CABP4: variants seen among roughly 807,000 people sequenced by gnomAD.
CABP4 encodes the protein calcium binding protein 4.
A neutral mutation model predicts 30.7 loss-of-function variants in CABP4; 30 were observed. That is an observed-to-expected ratio of 0.98 (90% CI 0.73 to 1.33). The LOEUF (loss-of-function observed/expected upper bound fraction) is 1.33, where lower values mean the gene tolerates loss of function less well. Among genes scored for constraint, CABP4 ranks in the 40% most tolerant of loss-of-function variants. CABP4 has a pLI of 0.00. For missense variants in CABP4, 424 were observed against 395.5 expected (o/e 1.07, Z -0.61); for synonymous variants, 161 against 159.2 (o/e 1.01, Z -0.08).
rs1414345811 is a variant in CABP4, at chr11:67,458,369, A to G, written c.652-2A>G. On this transcript the variant is annotated splice_acceptor_variant, in intron 4 of 5. Coordinates refer to ENST00000325656, the MANE Select transcript of CABP4 (RefSeq NM_145200.5). LOFTEE classifies it high-confidence loss of function. ...AGGGGCTGAGCTTTGCGGGGACCTTAGTTTGACAGGGACAGGGATGGACGA... is the reference window on the plus strand; with the variant it reads ...AGGGGCTGAGCTTTGCGGGGACCTTGGTTTGACAGGGACAGGGATGGACGA... 1 of 1,604,248 alleles carries G rather than the reference A, an allele frequency of 6.2e-7. No individual in the cohort carries two copies.
Position 67,457,640 on chromosome 11 carries a change from G to A in CABP4, c.609G>A (p.Ala203=), listed in dbSNP as rs745394874. 2.6e-5 allele frequency: 41 copies of A among 1,604,698 alleles called. No individual in the cohort carries two copies. Among genetic ancestry groups the A allele is most frequent in the East Asian group, 4.5e-5 (2 of 44,544 alleles). ...GCCCAAAGCTGAGGGAGGAGACGGC[G>A]CACATGCTGGGGGTGCGAGAGCTGC... ...LIGPKLREET[A]HMLGVRELRI... Residue 203 remains alanine, a synonymous_variant, in exon 4 of 6, where the codon GCG becomes GCA. Transcript: ENST00000325656.
intron 4 of CABP4, among the ~76,000 whole-genome samples, 164 bp from the exon 5 acceptor site, chr11:67,458,207 C>T (rs963049162): frequency 3.3e-5 from 5 of 151,832 alleles, no homozygotes; most frequent in African/African-American, 7.3e-5. Flanking sequence ...TGCAGTGAGC[C>T]GAAATTGCGT....
upstream of CABP4, chr11:67,452,808 G>T (rs180993428): frequency 2.7e-6 from 3 of 1,100,376 alleles, no homozygotes; most frequent in Admixed American, 8.2e-5. Context: ...TGGGAGAGAC[G>T]GTGCTGTGCA....
rs1285219083 is a variant in CABP4, at chr11:67,455,805, G to A, written c.366+16G>A. 1.9e-6 allele frequency: 3 copies of A among 1,557,720 alleles called. No homozygotes were observed. Among genetic ancestry groups the A allele is most frequent in the Non-Finnish European group, 2.6e-6 (3 of 1,151,220 alleles). Reference sequence around the variant, plus strand: ...CTTCGGGAAGGTTAGGTGGGACCTGGATTGGGCTGGGGGTCCTGGGGGTGG... The same window carrying A: ...CTTCGGGAAGGTTAGGTGGGACCTGAATTGGGCTGGGGGTCCTGGGGGTGG... On this transcript the variant is annotated intron_variant, in intron 1 of 5. Transcript: ENST00000325656.
In CABP4 at chr11:67,460,992, A is replaced by G. The variant is rs1303963183; in HGVS notation, c.*2333A>G. 1.3e-5 allele frequency among the ~76,000 whole-genome samples: 2 copies of G among 151,128 alleles called. No homozygotes were observed. Among genetic ancestry groups the G allele is most frequent in the African/African-American group, 4.9e-5 (2 of 41,030 alleles). ...AGAGCGAGACTCCGTCTCGGAAAAA[A>G]AAAAAAAAAAAGGTCACTGGAAGAC... is the stretch of plus-strand genomic sequence containing the variant. On this transcript the variant is annotated 3_prime_UTR_variant, in exon 6 of 6. Transcript: ENST00000325656.
At chr11:67,457,708 A>AG (rs969564762) in intron 4 of CABP4, 26 bp downstream of exon 4, 31 of 1,534,602 alleles carry the variant, frequency 2.0e-5, no homozygotes, top group Non-Finnish European at 2.3e-5. Flanking sequence ...AGGTGGGCAG[A>AG]GGGGGGCAGG....
chr11:67,456,904 T>C (rs1625892), intron 3 of CABP4, among the ~76,000 whole-genome samples: 20,787 of 152,252 alleles, frequency 0.14, 4,747 homozygotes, highest in African/African-American at 0.47. Flanking sequence ...GGACCCCACC[T>C]ATGCCTTGCG....
upstream of CABP4, among the ~76,000 whole-genome samples, chr11:67,454,920 G>T (rs1864704349): frequency 6.6e-6 from 1 of 152,170 alleles, no homozygotes; most frequent in African/African-American, 2.4e-5. Context: ...CCATGGGGGG[G>T]CCCCAGTAGG....
At chr11:67,456,546 G>A (rs151272673) in intron 3 of CABP4, 104 bp downstream of exon 3, 37 of 1,405,362 alleles carry the variant, frequency 2.6e-5, no homozygotes, top group Non-Finnish European at 3.3e-5. Flanking sequence ...GCTAGTGGGA[G>A]TGAGGGAGGG....
chr11:67,454,706 G>A (rs1417382873), upstream of CABP4, among the ~76,000 whole-genome samples: 2 of 152,164 alleles, frequency 1.3e-5, no homozygotes, highest in African/African-American at 2.4e-5. Flanking sequence ...CAAGTGACCA[G>A]CCAGACCCCC....
At chr11:67,455,954 G>A (rs79216930) in intron 1 of CABP4, among the ~76,000 whole-genome samples, 165 bp downstream of exon 1, 1,857 of 151,870 alleles carry the variant, frequency 0.012, 52 homozygotes, top group African/African-American at 0.043. Flanking sequence ...GGTAGGTCTC[G>A]GGCCAGCGTG....
Position 67,455,479 on chromosome 11 carries a change from AGAAGCCCCC to A in CABP4, c.57_65del (p.Gln19_Pro22delinsHis), listed in dbSNP as rs769541409. 1 of 1,610,846 alleles carries A rather than the reference AGAAGCCCCC, an allele frequency of 6.2e-7. No homozygotes were observed. The highest frequency in any genetic ancestry group is 8.5e-7 in the Non-Finnish European group (1 of 1,179,312). On this transcript the variant is annotated inframe_deletion, in exon 1 of 6. Coordinates refer to ENST00000325656, the MANE Select transcript of CABP4 (RefSeq NM_145200.5). ...GGCCCAAATCTGGCCATTGGCCGTC[AGAAGCCCCC>A]TGCGGGGGTTGTGACTCCCAAGAGT...
chr11:67,452,419 A>C, upstream of CABP4: 1 of 1,612,660 alleles, frequency 6.2e-7, no homozygotes, highest in Non-Finnish European at 8.5e-7. Context: ...AGCGGCAGGC[A>C]GCTGTCCCCA....
intron 1 of CABP4, 39 bp downstream of exon 1, chr11:67,455,828 T>G (rs1591000297): frequency 6.5e-7 from 1 of 1,547,912 alleles, no homozygotes; most frequent in South Asian, 1.2e-5. Context: ...GTCCTGGGGG[T>G]GGGGCTGGAG....
At chr11:67,454,381 CCT>C (rs1864680846), upstream of CABP4, among the ~76,000 whole-genome samples, 2 of 152,174 alleles carry the variant, frequency 1.3e-5, no homozygotes, top group South Asian at 4.1e-4. Flanking sequence ...CCCTCCGTAC[CCT>C]CAGGGTTCCT....
upstream of CABP4, chr11:67,452,686 G>A: frequency 6.3e-7 from 1 of 1,593,896 alleles, no homozygotes; most frequent in Non-Finnish European, 8.6e-7. Flanking sequence ...GGGGCCTGTG[G>A]CCAGTGGCAC....
chr11:67,457,759 C>A, intron 4 of CABP4, 77 bp downstream of exon 4: 1 of 1,252,312 alleles, frequency 8.0e-7, no homozygotes, highest in Non-Finnish European at 1.1e-6. Flanking sequence ...CAGGTCTCAG[C>A]CTTGGGAAGG....
chr11:67,455,971 G>C lies in CABP4; in HGVS notation c.366+182G>C, dbSNP rs557470621. 202 of 1,154,026 alleles carry C rather than the reference G, an allele frequency of 1.8e-4. 2 individuals carry two copies. In the East Asian group the frequency reaches 5.3e-3, roughly 30 times the overall value. 71.5% of individuals were successfully genotyped at this position (1,154,026 alleles called of 1,614,324 possible). ...TAGGTCTCGGGCCAGCGTGGGCGGT[G>C]GGCAGAGCCAGAATTCACACCAGGG... is the stretch of plus-strand genomic sequence containing the variant. On this transcript the variant is annotated intron_variant, in intron 1 of 5. Transcript: ENST00000325656.
At chr11:67,454,198 C>T (rs1443267354), upstream of CABP4, among the ~76,000 whole-genome samples, 1 of 152,134 alleles carries the variant, frequency 6.6e-6, no homozygotes, top group African/African-American at 2.4e-5. Flanking sequence ...ACCTGGGATC[C>T]AAGAGGCCTG....
Sources: allele counts gnomAD v4.1 joint callset (sites outside exome capture counted in the v4.1 genomes callset), GRCh38; gene constraint gnomAD v4.1.1; transcripts MANE v1.5; gene names NCBI Gene and HGNC (gene_info 2026-07-23, HGNC 2026-07-21).